Variants in IRX1 observed in about 807,000 individuals in gnomAD.
IRX1 encodes the protein iroquois-class homeodomain protein IRX-1.
In IRX1, 22 loss-of-function variants were observed where a neutral mutation model predicts 34.1. The ratio of observed to expected loss-of-function variants is 0.64; its 90% CI spans 0.46 to 0.92. IRX1 has a LOEUF of 0.92. Among genes scored for constraint, IRX1 ranks in the 40% least tolerant of loss-of-function variants. The pLI, the probability that IRX1 is intolerant of heterozygous loss-of-function variation, is 0.00. For synonymous variants in IRX1, 363 were observed against 319.0 expected (o/e 1.14, Z -1.47); for missense variants, 758 against 680.0 (o/e 1.11, Z -1.28).
chr5:3,596,223 T>G lies in IRX1; in HGVS notation c.118T>G (p.Ser40Ala). 1 of 1,112,930 alleles carries G rather than the reference T, an allele frequency of 9.0e-7. No homozygotes were observed. 68.9% of individuals were successfully genotyped at this position (1,112,930 alleles called of 1,614,324 possible). The change falls in exon 1 of 4, where the codon TCG becomes GCG. Residue 40 changes from serine (S) to alanine (A), a missense_variant. This residue lies in a region of IRX1 where 195 missense variants were observed against 195.0 expected (regional missense o/e 1.00). Transcript: ENST00000302006. Reference sequence around the variant, plus strand: ...CGCTGCGGCGGCTGCCGCCGCCTCGTCGGGCCGACCGGGGGCCGCGGAGCT... The same window carrying G: ...CGCTGCGGCGGCTGCCGCCGCCTCGGCGGGCCGACCGGGGGCCGCGGAGCT... ...AAAAAAAAAS[S>A]GRPGAAELGG...
At chr5:3,600,398 T>C in intron 2 of IRX1, 138 bp downstream of exon 2, 1 of 987,442 alleles carries the variant, frequency 1.0e-6, no homozygotes, top group Non-Finnish European at 1.4e-6. Context: ...GCTTAATCCC[T>C]GCTTCAATTT....
rs1180359342 is a variant in IRX1 at position 3,599,219 on chromosome 5, C to T, written c.277-6C>T. 2 of 1,610,120 alleles carry T rather than the reference C, an allele frequency of 1.2e-6. No individual in the cohort carries two copies. The highest frequency in any genetic ancestry group is 2.2e-5 in the East Asian group (1 of 44,768). ...TCTCCTCGATGGATCTGCCCTGTGG[C>T]TTCAGGGCTCGCAGTATGAACTGAA... On this transcript the variant is annotated splice_region_variant and splice_polypyrimidine_tract_variant and intron_variant, in intron 1 of 3. Transcript: ENST00000302006. This position sits in a 1 kb window ranked among gnomAD's most constrained non-coding sequence, Gnocchi z 6.6.
At position 3,600,658 on chromosome 5, in the gene IRX1, G is replaced by A; in HGVS notation, c.1362G>A (p.Ser454=). ...ATTCGCCGGCACAGCAGTTAAAGTC[G>A]CCCTTCCAGCCGGTACGCGACAAGT... ...RPDSPAQQLK[S]PFQPVRDNSL... Residue 454 remains serine, a synonymous_variant, in exon 3 of 4, where the codon TCG becomes TCA. Transcript: ENST00000302006. 1 of 1,613,608 alleles carries A rather than the reference G, an allele frequency of 6.2e-7. No homozygotes were observed. The highest frequency in any genetic ancestry group is 1.1e-5 in the South Asian group (1 of 91,086).
At position 3,601,386 on chromosome 5, in the gene IRX1, AAAC is replaced by A. The variant is rs1733966231; in HGVS notation, c.*347_*349del. On this transcript the variant is annotated 3_prime_UTR_variant, in exon 4 of 4. Transcript: ENST00000302006. Reference sequence around the variant, plus strand: ...TCTAAATCATATATTTTTGTCTAATAAACTAAATGAAATGACACCCCCTCCCCG... The same window carrying A: ...TCTAAATCATATATTTTTGTCTAATATAAATGAAATGACACCCCCTCCCCG... The A allele has an allele frequency of 3.1e-6, 1 of 324,326 alleles. No homozygotes were observed. Among genetic ancestry groups the A allele is most frequent in the Non-Finnish European group, 5.8e-6 (1 of 171,926 alleles). 20.1% of individuals were successfully genotyped at this position (324,326 alleles called of 1,614,324 possible). A position where few individuals can be genotyped will look rare whatever the true frequency, so the allele number is the denominator to read the frequency against.
In IRX1 at chr5:3,599,443, C is replaced by G. The variant is rs1381472089; in HGVS notation, c.495C>G (p.Ile165Met). 3.1e-6 allele frequency: 5 copies of G among 1,613,968 alleles called. No homozygotes were observed. In the African/African-American group the frequency reaches 4.0e-5, roughly 13 times the overall value. The change falls in exon 2 of 4, where the codon ATC (isoleucine) becomes ATG (methionine). Residue 165 changes from isoleucine to methionine, a missense_variant. Transcript: ENST00000302006. This position sits in a 1 kb window ranked among gnomAD's most constrained non-coding sequence, Gnocchi z 6.6. ...AGGGCGAGAAGATCATGCTGGCCAT[C>G]ATCACCAAGATGACCCTCACGCAGG... ...PTKGEKIMLAIITKMTLTQVS... is the reference protein window; with the variant it reads ...PTKGEKIMLAMITKMTLTQVS...
chr5:3,600,343 G>A, intron 2 of IRX1, 83 bp downstream of exon 2: 2 of 1,312,954 alleles, frequency 1.5e-6, no homozygotes, highest in Non-Finnish European at 2.0e-6. Context: ...GGTGCAGCAT[G>A]AGCCGGGAGG....
In IRX1 at chr5:3,595,892, A is replaced by G. The variant is rs1330030898; in HGVS notation, c.-214A>G. 6.6e-6 allele frequency among the ~76,000 whole-genome samples: 1 copy of G among 150,842 alleles called. No homozygotes were observed. Among genetic ancestry groups the G allele is most frequent in the African/African-American group, 2.4e-5 (1 of 41,270 alleles). ...CGCCGCAGTCGGCGCGCGATTGCGG[A>G]TCCGGGCGCAGCCGGGAGCCGGGCG... On this transcript the variant is annotated 5_prime_UTR_variant, in exon 1 of 4. Transcript: ENST00000302006.
In IRX1 at chr5:3,601,065, G is replaced by C. The variant is rs572724431; in HGVS notation, c.*25G>C. On this transcript the variant is annotated 3_prime_UTR_variant, in exon 4 of 4. Coordinates refer to ENST00000302006, the MANE Select transcript of IRX1 (RefSeq NM_024337.4). ...ATTAAGGGTCTTCTTTTACTTTTGC[G>C]GGGGGGAGGGGGGAGGAGTTGGGGA... is the stretch of plus-strand genomic sequence containing the variant. The C allele has an allele frequency of 7.8e-6, 12 of 1,539,904 alleles. No homozygotes were observed. In the African/African-American group the frequency reaches 1.2e-4, roughly 16 times the overall value.
Position 3,599,396 on chromosome 5 carries a change from C to G in IRX1, c.448C>G (p.Arg150Gly). Residue 150 changes from arginine to glycine, a missense_variant, in exon 2 of 4, where the codon CGC (arginine) becomes GGC (glycine). By Grantham distance (125) the Arg-to-Gly change is moderately radical (BLOSUM62 -2). This residue lies in a region of IRX1 where 34 missense variants were observed against 66.2 expected (regional missense o/e 0.51). Coordinates refer to ENST00000302006, the MANE Select transcript of IRX1 (RefSeq NM_024337.4). The surrounding 1 kb of genome is among the most constrained non-coding windows in gnomAD (Gnocchi z 6.6). ...STLKAWLNEH[R>G]KNPYPTKGEK... ...GCTCAAGGCCTGGCTCAACGAGCAC[C>G]GCAAGAATCCCTACCCCACCAAGGG... 5.0e-6 allele frequency: 8 copies of G among 1,614,098 alleles called. No individual in the cohort carries two copies. Among genetic ancestry groups the G allele is most frequent in the Non-Finnish European group, 6.8e-6 (8 of 1,180,030 alleles).
chr5:3,599,924 C>A lies in IRX1; in HGVS notation c.976C>A (p.Pro326Thr). Residue 326 changes from proline (P) to threonine (T), a missense_variant, in exon 2 of 4, where the codon CCC (proline) becomes ACC (threonine). Pro to Thr is a conservative substitution (Grantham distance 38, BLOSUM62 -1). Transcript: ENST00000302006. The surrounding 1 kb of genome is among the most constrained non-coding windows in gnomAD (Gnocchi z 6.6). ...GTCGCTGGCGGAGACAGCCACGAGC[C>A]CCGACGGTGCGCCCAAGGCTTCGCC... ...IWSLAETATS[P>T]DGAPKASPPP... 6.7e-7 allele frequency: 1 copy of A among 1,486,372 alleles called. No individual in the cohort carries two copies. Among genetic ancestry groups the A allele is most frequent in the East Asian group, 2.5e-5 (1 of 39,770 alleles). 92.1% of individuals were successfully genotyped at this position (1,486,372 alleles called of 1,614,324 possible). A position where few individuals can be genotyped will look rare whatever the true frequency, so the allele number is the denominator to read the frequency against.
chr5:3,600,965 G>T lies in IRX1; in HGVS notation c.1386-18G>T, dbSNP rs1733950537. On this transcript the variant is annotated intron_variant, in intron 3 of 3. Coordinates refer to ENST00000302006, the MANE Select transcript of IRX1 (RefSeq NM_024337.4). ...CACAGTGCCCCTGTCTTCTTGTCTC[G>T]CTGTGTTTCCCATGCAGCTCTCTGG... The T allele has an allele frequency of 1.9e-6, 3 of 1,612,880 alleles. No individual in the cohort carries two copies. Among genetic ancestry groups the T allele is most frequent in the East Asian group, 4.5e-5 (2 of 44,784 alleles).
At chr5:3,600,289 C>G in intron 2 of IRX1, 29 bp downstream of exon 2, 2 of 1,525,632 alleles carry the variant, frequency 1.3e-6, no homozygotes, top group Non-Finnish European at 1.8e-6. Context: ...TCCACCTGTC[C>G]CCTAGCTGGG....
intron 1 of IRX1, among the ~76,000 whole-genome samples, chr5:3,598,345 G>A (rs1022677289): frequency 1.3e-4 from 20 of 152,104 alleles, no homozygotes; most frequent in African/African-American, 2.9e-4. Context: ...ATAAATCAGC[G>A]CCTCTAAATG....
Position 3,599,864 on chromosome 5 carries a change from C to A in IRX1, c.916C>A (p.Leu306Met). 1 of 1,513,110 alleles carries A rather than the reference C, an allele frequency of 6.6e-7. No homozygotes were observed. The highest frequency in any genetic ancestry group is 1.3e-5 in the South Asian group (1 of 78,526). The allele number at this position is 1,513,110 out of a possible 1,614,324, so 93.7% of individuals were successfully genotyped here. ...GAGCCCCGGCGCTGCAGCGGGCGGCCTGCAGGGTGCGCCGCACGGCAAGCC... is the reference window on the plus strand; with the variant it reads ...GAGCCCCGGCGCTGCAGCGGGCGGCATGCAGGGTGCGCCGCACGGCAAGCC... ...LLSPGAAAGG[L>M]QGAPHGKPKI... Residue 306 changes from leucine (L) to methionine (M), a missense_variant, in exon 2 of 4, where the codon CTG becomes ATG. Physicochemically the swap from Leu to Met is conservative, Grantham distance 15. Around this residue, in one of 3 missense-constraint regions of IRX1, gnomAD observed 529 missense variants for 418.8 expected, o/e 1.26. Coordinates refer to ENST00000302006, the MANE Select transcript of IRX1 (RefSeq NM_024337.4). The surrounding 1 kb of genome is among the most constrained non-coding windows in gnomAD (Gnocchi z 6.6).
Position 3,599,937 on chromosome 5 carries a change from C to G in IRX1, c.989C>G (p.Pro330Arg), listed in dbSNP as rs1289193604. ...ACAGCCACGAGCCCCGACGGTGCGC[C>G]CAAGGCTTCGCCACCACCACCCGCG... Reference protein sequence around the residue: ...AETATSPDGAPKASPPPPAGH... With the variant: ...AETATSPDGARKASPPPPAGH... Residue 330 changes from proline to arginine, a missense_variant, in exon 2 of 4, where the codon CCC becomes CGC. Transcript: ENST00000302006. This position sits in a 1 kb window ranked among gnomAD's most constrained non-coding sequence, Gnocchi z 6.6. 1 of 1,499,904 alleles carries G rather than the reference C, an allele frequency of 6.7e-7. No homozygotes were observed. Among genetic ancestry groups the G allele is most frequent in the African/African-American group, 1.4e-5 (1 of 71,070 alleles). 92.9% of individuals were successfully genotyped at this position (1,499,904 alleles called of 1,614,324 possible). A position where few individuals can be genotyped will look rare whatever the true frequency, so the allele number is the denominator to read the frequency against.
intron 1 of IRX1, among the ~76,000 whole-genome samples, chr5:3,598,992 C>A (rs1733868907): frequency 6.6e-6 from 1 of 152,130 alleles, no homozygotes; most frequent in Non-Finnish European, 1.5e-5. Context: ...AAGGGCAGTT[C>A]CTGAAGTCAG....
In IRX1 at chr5:3,600,377, CCTGGGG is replaced by C. The variant is rs1733932071; in HGVS notation, c.1312+121_1312+126del. 3.7e-6 allele frequency: 4 copies of C among 1,072,728 alleles called. No individual in the cohort carries two copies. The Admixed American group carries it at 8.5e-5, about 23-fold the overall frequency. 66.5% of individuals were successfully genotyped at this position (1,072,728 alleles called of 1,614,324 possible). A position where few individuals can be genotyped will look rare whatever the true frequency, so the allele number is the denominator to read the frequency against. ...GGGTACCAGGCAGTGGCCGCTGAGC[CCTGGGG>C]CTGCGCTTAATCCCTGCTTCAATTT... On this transcript the variant is annotated intron_variant, in intron 2 of 3. Transcript: ENST00000302006.
At position 3,599,666 on chromosome 5, in the gene IRX1, C is replaced by G; in HGVS notation, c.718C>G (p.Gln240Glu). ...CAAGATCGACGAGCACGATGGCGAC[C>G]AGAGCAACGAGGATGACGAGGACAA... ...IDKIDEHDGD[Q>E]SNEDDEDKAE... is the part of the protein sequence containing the mutation. The change falls in exon 2 of 4, where the codon CAG becomes GAG. Residue 240 changes from glutamine to glutamate, a missense_variant. Gln to Glu is a conservative substitution (Grantham distance 29). Transcript: ENST00000302006. The surrounding 1 kb of genome is among the most constrained non-coding windows in gnomAD (Gnocchi z 6.6). 2 of 1,613,710 alleles carry G rather than the reference C, an allele frequency of 1.2e-6. No homozygotes were observed. The highest frequency in any genetic ancestry group is 1.7e-6 in the Non-Finnish European group (2 of 1,180,032).
At chr5:3,600,808 C>T in intron 3 of IRX1, 127 bp downstream of exon 3, 1 of 1,162,508 alleles carries the variant, frequency 8.6e-7, no homozygotes, top group Non-Finnish European at 1.3e-6. Flanking sequence ...GGAGCGCTCC[C>T]CGCCAGCCCT....
Sources: gnomAD v4.1 joint callset for allele counts (sites outside exome capture counted in the v4.1 genomes callset) on GRCh38, gnomAD v4.1.1 for gene constraint, gnomAD v4.1.1 regional missense constraint, Gnocchi (gnomAD v3.1) non-coding constraint, MANE v1.5 for transcripts, NCBI Gene and HGNC (gene_info 2026-07-23, HGNC 2026-07-21) for gene names.